Variants in PLCH1 observed in about 807,000 individuals in gnomAD.
The protein encoded by PLCH1 is 1-phosphatidylinositol 4,5-bisphosphate phosphodiesterase eta-1.
In PLCH1, 60 loss-of-function variants were observed where a neutral mutation model predicts 126.7. That is an observed-to-expected ratio of 0.47 (90% confidence interval 0.38 to 0.59). The LOEUF is 0.59. Ranked by LOEUF, PLCH1 falls within the 20% of genes least tolerant of loss-of-function variation. PLCH1 has a pLI of 0.00. For synonymous variants in PLCH1, 719 were observed against 734.9 expected (o/e 0.98, Z 0.35); for missense variants, 1,723 against 2,040.0 (o/e 0.84, Z 2.99).
At chr3:155,593,808 G>T in intron 4 of PLCH1, 133 bp downstream of exon 4, 1 of 787,036 alleles carries the variant, frequency 1.3e-6, no homozygotes, top group Non-Finnish European at 2.0e-6. Context: ...GGAGAAGACG[G>T]TGTGAGGGGT....
At chr3:155,639,736 T>G (rs2108849103) in intron 2 of PLCH1, among the ~76,000 whole-genome samples, 1 of 152,296 alleles carries the variant, frequency 6.6e-6, no homozygotes, top group South Asian at 2.1e-4. Context: ...AATAGAACCT[T>G]GATATGGTTT....
intron 1 of PLCH1, among the ~76,000 whole-genome samples, chr3:155,724,187 C>G (rs1477898868): frequency 6.6e-6 from 1 of 152,032 alleles, no homozygotes; most frequent in Non-Finnish European, 1.5e-5. Context: ...AAAGAATGTC[C>G]TATGTGCTGA....
At chr3:155,643,710 C>A (rs1022572226) in intron 2 of PLCH1, among the ~76,000 whole-genome samples, 2 of 152,180 alleles carry the variant, frequency 1.3e-5, no homozygotes, top group Non-Finnish European at 2.9e-5. Context: ...CATGTACGCT[C>A]CATGAGAGCA....
intron 2 of PLCH1, among the ~76,000 whole-genome samples, chr3:155,657,244 G>C (rs1371708049): frequency 1.3e-5 from 2 of 152,138 alleles, no homozygotes; most frequent in Non-Finnish European, 2.9e-5. Flanking sequence ...TGATCTCTGA[G>C]AGACAGGAAC....
rs1451353677 is a variant in PLCH1, at chr3:155,518,243, G to T, written c.1471-3359C>A. 2.0e-5 allele frequency among the ~76,000 whole-genome samples: 3 copies of T among 152,316 alleles called. No individual in the cohort carries two copies. The South Asian group carries it at 6.2e-4, about 32-fold the overall frequency. On this transcript the variant is annotated intron_variant, in intron 11 of 22. Coordinates refer to ENST00000460012, the MANE Select transcript of PLCH1 (RefSeq NM_014996.4). ...AGGAAGCAAACCCACAAATAAGGGGGAGACTGTATTGTACTAAGGCTCCCA... is the reference window on the plus strand; with the variant it reads ...AGGAAGCAAACCCACAAATAAGGGGTAGACTGTATTGTACTAAGGCTCCCA...
chr3:155,708,894 CA>C lies in PLCH1; in HGVS notation c.-40-4631del, dbSNP rs532275418. ...CATACAGATTAATTATGGTACCATA[CA>C]AAATAGTCTCATTGCCCTAAAGTCT... is the stretch of plus-strand genomic sequence containing the variant. On this transcript the variant is annotated intron_variant, in intron 1 of 22. Transcript: ENST00000460012. 2.1e-3 allele frequency among the ~76,000 whole-genome samples: 327 copies of C among 152,270 alleles called. 2 individuals carry two copies. Among genetic ancestry groups the C allele is most frequent in the African/African-American group, 7.5e-3 (313 of 41,546 alleles).
rs1441945495 is a variant in PLCH1 at position 155,546,274 on chromosome 3, A to G, written c.1362+3513T>C. ...CAAACAGAGAGCCAAATCATGAGTG[A>G]CCTCCCATTCACAATTGCTTCAAAG... On this transcript the variant is annotated intron_variant, in intron 10 of 22. Coordinates refer to ENST00000460012, the MANE Select transcript of PLCH1 (RefSeq NM_014996.4). Among the ~76,000 whole-genome samples the G allele has an allele frequency of 6.6e-5, 10 of 152,256 alleles. No homozygotes were observed. The East Asian group carries it at 1.9e-3, about 29-fold the overall frequency.
At chr3:155,668,688 T>A (rs2108972679) in intron 2 of PLCH1, among the ~76,000 whole-genome samples, 1 of 151,374 alleles carries the variant, frequency 6.6e-6, no homozygotes. Context: ...AGGTCGGGAG[T>A]TCAAGACCAG....
At chr3:155,657,619 A>G (rs1024429216) in intron 2 of PLCH1, 1 of 152,234 alleles carries the variant, frequency 6.6e-6, no homozygotes, top group Non-Finnish European at 1.5e-5. Flanking sequence ...TATTTATTGA[A>G]TCAGAAAATC....
At chr3:155,510,703 T>C (rs1173093872) in intron 12 of PLCH1, among the ~76,000 whole-genome samples, 3 of 92,636 alleles carry the variant, frequency 3.2e-5, no homozygotes, top group South Asian at 4.0e-4. Context: ...TTCTGGCTTG[T>C]AGGGTTTCTG....
rs1189260500 is a variant in PLCH1 at position 155,458,442 on chromosome 3, G to A, written c.2938+26914C>T. 3.1e-4 allele frequency among the ~76,000 whole-genome samples: 23 copies of A among 73,080 alleles called. 2 individuals carry two copies. The highest frequency in any genetic ancestry group is 1.9e-3 in the African/African-American group (23 of 11,920). The allele number at this position is 73,080 out of a possible 152,430, so 47.9% of individuals were successfully genotyped here. ...GGAAGGAAGGAAGGAAGGAAGGAAG[G>A]AAGGAAGGAAGGAAAGAAAGAAAGA... On this transcript the variant is annotated intron_variant, in intron 21 of 21. Transcript: ENST00000494598.
At chr3:155,663,345 G>A (rs1041784492) in intron 2 of PLCH1, among the ~76,000 whole-genome samples, 1 of 152,172 alleles carries the variant, frequency 6.6e-6, no homozygotes, top group African/African-American at 2.4e-5. Context: ...TTAGACAACT[G>A]CCTTTGGTTA....
At chr3:155,682,923 AGT>A (rs1401958625) in intron 2 of PLCH1, among the ~76,000 whole-genome samples, 1 of 152,208 alleles carries the variant, frequency 6.6e-6, no homozygotes, top group African/African-American at 2.4e-5. Flanking sequence ...AGCCTACACA[AGT>A]GTTTTACTCA....
chr3:155,523,767 A>G (rs1179842841), intron 11 of PLCH1, 130 bp downstream of exon 11: 2 of 588,262 alleles, frequency 3.4e-6, no homozygotes, highest in East Asian at 6.1e-5. Context: ...CAAATAAAGT[A>G]ATTTTCAATG....
chr3:155,680,728 G>T (rs1309251782), intron 2 of PLCH1, among the ~76,000 whole-genome samples: 1 of 152,102 alleles, frequency 6.6e-6, no homozygotes, highest in East Asian at 1.9e-4. Context: ...CTACCATAAG[G>T]AAATCATCAG....
intron 12 of PLCH1, among the ~76,000 whole-genome samples, chr3:155,509,071 T>A (rs1171683626): frequency 4.5e-5 from 6 of 134,158 alleles, no homozygotes; most frequent in Non-Finnish European, 7.9e-5. Flanking sequence ...CTTCTTCCTG[T>A]TTTAGTCTTG....
Position 155,482,603 on chromosome 3 carries a change from T to A in PLCH1, c.3423A>T (p.Thr1141=), listed in dbSNP as rs1456814000. Residue 1141 remains threonine, a synonymous_variant, in exon 23 of 23, where the codon ACA becomes ACT. Transcript: ENST00000460012. ...TGGAGACGTCTGACAAAGAAAAGGA[T>A]GTTGCAGCTCGGCCCTTACCCCTAT... ...EGNRGKGRAA[T]SFSLSDVSML... The A allele has an allele frequency of 2.5e-6, 4 of 1,614,224 alleles. No individual in the cohort carries two copies. Among genetic ancestry groups the A allele is most frequent in the Non-Finnish European group, 2.5e-6 (3 of 1,180,036 alleles).
At chr3:155,628,191 C>T (rs1737580761) in intron 2 of PLCH1, among the ~76,000 whole-genome samples, 1 of 151,864 alleles carries the variant, frequency 6.6e-6, no homozygotes. Context: ...GGATACACCA[C>T]CCCAAAGTAT....
chr3:155,660,657 T>G lies in PLCH1; in HGVS notation c.79+43489A>C, dbSNP rs186953870. Among the ~76,000 whole-genome samples the G allele has an allele frequency of 5.7e-3, 861 of 152,180 alleles. 12 individuals are homozygous for G. The highest frequency in any genetic ancestry group is 0.02 in the African/African-American group (815 of 41,502). On this transcript the variant is annotated intron_variant, in intron 2 of 22. Transcript: ENST00000460012. Reference sequence around the variant, plus strand: ...TACTACAGGAGTTGGGGGTAGGGGGTTTGCCCTAAAATAACTTTTCTATCC... The same window carrying G: ...TACTACAGGAGTTGGGGGTAGGGGGGTTGCCCTAAAATAACTTTTCTATCC...
Sources: allele counts gnomAD v4.1 joint callset (sites outside exome capture counted in the v4.1 genomes callset), GRCh38; gene constraint gnomAD v4.1.1; transcripts MANE v1.5; gene names NCBI Gene and HGNC (gene_info 2026-07-23, HGNC 2026-07-21).